The following ABCC11 variants were observed in gnomAD, a reference collection of about 807,000 sequenced individuals.
ABCC11 encodes the protein ATP-binding cassette sub-family C member 11.
In ABCC11, 135 loss-of-function variants were observed where a neutral mutation model predicts 149.3. That is an observed-to-expected ratio of 0.90 (90% confidence interval 0.79 to 1.04). The LOEUF is 1.04. Among genes scored for constraint, ABCC11 ranks in the 50% least tolerant of loss-of-function variants. The pLI is 0.00. For synonymous variants in ABCC11, 665 were observed against 671.4 expected (o/e 0.99, Z 0.15); for missense variants, 1,680 against 1,722.1 (o/e 0.98, Z 0.43).
chr16:48,180,042 T>C (rs77532993), intron 23 of ABCC11, among the ~76,000 whole-genome samples: 2,484 of 152,254 alleles, frequency 0.016, 60 homozygotes, highest in African/African-American at 0.056. Context: ...TTTCCTCCCA[T>C]CCCTCAGTGT....
chr16:48,205,697 G>A (rs1381979210), intron 12 of ABCC11, among the ~76,000 whole-genome samples, 160 bp from the exon 13 acceptor site: 3 of 152,152 alleles, frequency 2.0e-5, no homozygotes, highest in Non-Finnish European at 4.4e-5. Flanking sequence ...GCCCACCAGC[G>A]AGTTCCAGGG....
Position 48,230,391 on chromosome 16 carries a change from GC to G in ABCC11, c.236+45del, listed in dbSNP as rs757460451. 26 of 1,508,638 alleles carry G rather than the reference GC, an allele frequency of 1.7e-5. No individual in the cohort carries two copies. In the South Asian group the frequency reaches 3.5e-4, roughly 20 times the overall value. The allele number at this position is 1,508,638 out of a possible 1,614,324, so 93.5% of individuals were successfully genotyped here. Reference sequence around the variant, plus strand: ...CTAGTTGGGAGGGTTGGGGATCATTGCCCTGGTGGATACAGCTCTCTCCCAC... The same window carrying G: ...CTAGTTGGGAGGGTTGGGGATCATTGCCTGGTGGATACAGCTCTCTCCCAC... On this transcript the variant is annotated intron_variant, in intron 3 of 29. Coordinates refer to ENST00000356608, the MANE Select transcript of ABCC11 (RefSeq NM_001370497.1).
rs1567272943 is a variant in ABCC11 at position 48,216,115 on chromosome 16, GC to G, written c.949del (p.Ala317ArgfsTer4). 1.2e-5 allele frequency: 20 copies of G among 1,613,342 alleles called. No individual in the cohort carries two copies. Among genetic ancestry groups the G allele is most frequent in the Non-Finnish European group, 1.6e-5 (19 of 1,179,694 alleles). On this transcript the variant is annotated frameshift_variant and splice_region_variant, in exon 7 of 30. Coordinates refer to ENST00000356608, the MANE Select transcript of ABCC11 (RefSeq NM_001370497.1). LOFTEE classifies it high-confidence loss of function. ...ATGGGTGACAGAGAAAGACATTACC[GC>G]CAGTGGGAAAACCAGGAGATAGCAT... is the stretch of plus-strand genomic sequence containing the variant. ...ILCYLLVFPL[A>X]VFMTRMAVKA...
chr16:48,171,328 C>T (rs924033191), intron 26 of ABCC11, among the ~76,000 whole-genome samples: 6 of 152,190 alleles, frequency 3.9e-5, no homozygotes, highest in Non-Finnish European at 8.8e-5. Flanking sequence ...CAGAGTGTAT[C>T]TCAGGACTTT....
At position 48,211,193 on chromosome 16, in the gene ABCC11, A is replaced by C. The variant is rs761426699; in HGVS notation, c.1363T>G (p.Phe455Val). The C allele has an allele frequency of 5.0e-6, 8 of 1,613,854 alleles. No individual in the cohort carries two copies. Among genetic ancestry groups the C allele is most frequent in the Non-Finnish European group, 6.8e-6 (8 of 1,179,910 alleles). The change falls in exon 11 of 30, where the codon TTC becomes GTC. Residue 455 changes from phenylalanine to valine, a missense_variant. Physicochemically the swap from Phe to Val is conservative, Grantham distance 50. Transcript: ENST00000356608. ...TAGAAAACAGGGCTCTCCTGGAGGAAAAACTTCTGTAAAGACAGAAAAAAA... is the reference window on the plus strand; with the variant it reads ...TAGAAAACAGGGCTCTCCTGGAGGACAAACTTCTGTAAAGACAGAAAAAAA... Reference protein sequence around the residue: ...KSAVMRFKKFFLQESPVFYVQ... With the variant: ...KSAVMRFKKFVLQESPVFYVQ...
intron 20 of ABCC11, among the ~76,000 whole-genome samples, chr16:48,188,471 C>A (rs906747677): frequency 1.3e-5 from 2 of 152,208 alleles, no homozygotes; most frequent in South Asian, 2.1e-4. Flanking sequence ...ACGATTTGGA[C>A]CCTTGGATCA....
Position 48,170,216 on chromosome 16 carries a change from G to A in ABCC11, c.3780C>T (p.Ile1260=). 1 of 1,611,770 alleles carries A rather than the reference G, an allele frequency of 6.2e-7. No homozygotes were observed. Among genetic ancestry groups the A allele is most frequent in the Non-Finnish European group, 8.5e-7 (1 of 1,177,836 alleles). ...ALERTFLTKA[I]SKFPKKLHTD... is the part of the protein sequence containing the mutation. ...TATGCAGCTTTTTGGGGAACTTTGA[G>A]ATCTGCGATATGGGAAGAAGAGACA... Residue 1260 remains isoleucine (I), a splice_region_variant and synonymous_variant, in exon 28 of 30, where the codon ATC becomes ATT. Transcript: ENST00000356608.
At chr16:48,183,735 C>T (rs185738399) in intron 23 of ABCC11, among the ~76,000 whole-genome samples, 3 of 152,308 alleles carry the variant, frequency 2.0e-5, no homozygotes, top group Middle Eastern at 3.4e-3. Context: ...TGTGCTCCAT[C>T]CTGGATGACA....
intron 27 of ABCC11, among the ~76,000 whole-genome samples, 177 bp downstream of exon 27, chr16:48,170,712 T>C (rs533450236): frequency 6.6e-6 from 1 of 152,334 alleles, no homozygotes; most frequent in South Asian, 2.1e-4. Flanking sequence ...ACACGGTTGG[T>C]GTCTGAGTGC....
Position 48,231,859 on chromosome 16 carries a change from G to A in ABCC11, c.63C>T (p.Ile21=), listed in dbSNP as rs770625976. 6.2e-6 allele frequency: 10 copies of A among 1,613,974 alleles called. No homozygotes were observed. Among genetic ancestry groups the A allele is most frequent in the Middle Eastern group, 3.3e-4 (2 of 6,084 alleles). ...NSSGGLVNRG[I]DIGDDMVSGL... ...CTGAAACCATGTCATCGCCTATGTC[G>A]ATGCCACGATTCACGAGGCCACCAG... The change falls in exon 2 of 30, where the codon ATC becomes ATT. Residue 21 remains isoleucine, a synonymous_variant. Coordinates refer to ENST00000356608, the MANE Select transcript of ABCC11 (RefSeq NM_001370497.1).
At chr16:48,232,493 A>G (rs140316215) in intron 1 of ABCC11, among the ~76,000 whole-genome samples, 2,440 of 152,278 alleles carry the variant, frequency 0.016, 230 homozygotes, top group Admixed American at 0.14. Flanking sequence ...CTTGGTTTTC[A>G]CAGACCCCAG....
chr16:48,189,193 G>C (rs1389910134), intron 20 of ABCC11, among the ~76,000 whole-genome samples: 1 of 152,182 alleles, frequency 6.6e-6, no homozygotes, highest in Non-Finnish European at 1.5e-5. Flanking sequence ...AGGGCAAAAG[G>C]GTCACCCCTT....
At chr16:48,198,958 T>C (rs1373448529) in intron 15 of ABCC11, among the ~76,000 whole-genome samples, 5 of 151,918 alleles carry the variant, frequency 3.3e-5, no homozygotes, top group Admixed American at 3.3e-4. Flanking sequence ...TGCTTGAACC[T>C]GGGAAGTGGA....
chr16:48,215,240 A>T lies in ABCC11; in HGVS notation c.1056T>A (p.Ile352=). The T allele has an allele frequency of 6.2e-7, 1 of 1,613,814 alleles. No homozygotes were observed. ...ATGGTTTCTCCCATGTGTACATTTT[A>T]ATCAGCTTAATGCAAGTGAGAACTT... ...TSEVLTCIKL[I]KMYTWEKPFA... is the part of the protein sequence containing the mutation. Residue 352 remains isoleucine, a synonymous_variant, in exon 8 of 30, where the codon ATT becomes ATA. Transcript: ENST00000356608.
At chr16:48,170,778 C>T in intron 27 of ABCC11, 111 bp downstream of exon 27, 1 of 997,684 alleles carries the variant, frequency 1.0e-6, no homozygotes, top group Non-Finnish European at 1.5e-6. Context: ...ATGATGCATC[C>T]ATGACCCGAA....
Position 48,224,323 on chromosome 16 carries a change from G to T in ABCC11, c.502C>A (p.Leu168Ile), listed in dbSNP as rs1441942932. The T allele has an allele frequency of 1.9e-6, 3 of 1,614,214 alleles. No homozygotes were observed. Among genetic ancestry groups the T allele is most frequent in the Non-Finnish European group, 2.5e-6 (3 of 1,180,028 alleles). The change falls in exon 5 of 30, where the codon CTT (leucine) becomes ATT (isoleucine). Residue 168 changes from leucine (L) to isoleucine (I), a missense_variant. Physicochemically the swap from Leu to Ile is conservative, Grantham distance 5 (BLOSUM62 2). Coordinates refer to ENST00000356608, the MANE Select transcript of ABCC11 (RefSeq NM_001370497.1). ...FQRTRLIFDA[L>I]LGICFCIASV... ...GCAATGCAGAAGCAGATGCCCAGAA[G>T]TGCATCGAAAATCAACCTTGTTCTC...
intron 6 of ABCC11, among the ~76,000 whole-genome samples, chr16:48,221,248 A>G (rs753138323): frequency 1.8e-4 from 27 of 152,220 alleles, no homozygotes; most frequent in Non-Finnish European, 3.4e-4. Context: ...AAGGAGCCAA[A>G]GCAGTGTTGC....
Position 48,177,076 on chromosome 16 carries a change from G to A in ABCC11, c.3386C>T (p.Thr1129Ile). The A allele has an allele frequency of 1.2e-6, 2 of 1,614,022 alleles. No individual in the cohort carries two copies. The highest frequency in any genetic ancestry group is 8.5e-7 in the Non-Finnish European group (1 of 1,179,970). ...VSEAPLHMEGTSCPQGWPQHG... is the reference protein window; with the variant it reads ...VSEAPLHMEGISCPQGWPQHG... ...CTGTGGCCACCCCTGGGGACAACTT[G>A]TGCCTTCCATGTGTAAAGGAGCTTC... is the stretch of plus-strand genomic sequence containing the variant. The change falls in exon 25 of 30, where the codon ACA becomes ATA. Residue 1129 changes from threonine to isoleucine, a missense_variant. Physicochemically the swap from Thr to Ile is moderately conservative, Grantham distance 89. Transcript: ENST00000356608.
At chr16:48,244,362 C>A in intron 1 of ABCC11, 1 of 1,487,930 alleles carries the variant, frequency 6.7e-7, no homozygotes, top group Non-Finnish European at 9.0e-7. Context: ...CTCTTTTTGA[C>A]AGCCCCCAGT....
Sources: gnomAD v4.1 joint callset for allele counts (sites outside exome capture counted in the v4.1 genomes callset) on GRCh38, gnomAD v4.1.1 for gene constraint, MANE v1.5 for transcripts, NCBI Gene and HGNC (gene_info 2026-07-23, HGNC 2026-07-21) for gene names.